Variants in GMDS observed in about 807,000 individuals in gnomAD.
GMDS encodes the protein GDP-mannose 4,6-dehydratase.
GMDS carries 20 observed loss-of-function variants against 49.9 expected under a neutral mutation model. That is an observed-to-expected ratio of 0.40 (90% CI 0.28 to 0.58). The LOEUF (loss-of-function observed/expected upper bound fraction) is 0.58. Ranked by LOEUF, GMDS falls within the 20% of genes least tolerant of loss-of-function variation. The probability of loss-of-function intolerance (pLI) is 0.42; values close to 1 mark genes in which losing one functional copy is unlikely to be tolerated. For missense variants in GMDS, 362 were observed against 481.4 expected, an observed-to-expected ratio of 0.75 and a Z score of 2.32; for synonymous variants, 177 against 178.6, an observed-to-expected ratio of 0.99 and a Z score of 0.07.
intron 7 of GMDS, among the ~76,000 whole-genome samples, chr6:1,743,275 A>C (rs34669469): frequency 0.46 from 69,717 of 151,990 alleles, 16,428 homozygotes; most frequent in East Asian, 0.71. Context: ...GATGTCTAGC[A>C]GGGCGCGGTG....
intron 4 of GMDS, among the ~76,000 whole-genome samples, chr6:1,997,060 C>T (rs1022237630): frequency 1.3e-5 from 2 of 151,896 alleles, no homozygotes; most frequent in Non-Finnish European, 2.9e-5. Flanking sequence ...TGATGATTCT[C>T]AGCCCCCTCC....
At chr6:1,955,165 G>A (rs867554637) in intron 6 of GMDS, among the ~76,000 whole-genome samples, 8 of 152,048 alleles carry the variant, frequency 5.3e-5, no homozygotes, top group South Asian at 2.1e-4. Context: ...CAATATCTAC[G>A]AAGCAATAAA....
In GMDS at chr6:1,742,480, C is replaced by G; in HGVS notation, c.878G>C (p.Gly293Ala). ...CAGGTATACTTACACAATGGTTTTT[C>G]CAATGTGCAAGAATGATTTCTCGAC... ...EFVEKSFLHI[G>A]KTIVWEGKNE... Residue 293 changes from glycine to alanine, a missense_variant, in exon 8 of 11, where the codon GGA becomes GCA. Physicochemically the swap from Gly to Ala is moderately conservative, Grantham distance 60. Coordinates refer to ENST00000380815, the MANE Select transcript of GMDS (RefSeq NM_001500.4). The G allele has an allele frequency of 6.3e-7, 1 of 1,590,484 alleles. No homozygotes were observed. The highest frequency in any genetic ancestry group is 8.6e-7 in the Non-Finnish European group (1 of 1,158,884).
intron 4 of GMDS, among the ~76,000 whole-genome samples, chr6:2,074,025 G>C (rs910222679): frequency 3.9e-5 from 6 of 152,140 alleles, no homozygotes; most frequent in Non-Finnish European, 8.8e-5. Context: ...CCTTTGGATA[G>C]ATGCCCAATA....
At chr6:2,100,186 TAGA>T (rs1157339755) in intron 4 of GMDS, among the ~76,000 whole-genome samples, 15 of 152,098 alleles carry the variant, frequency 9.9e-5, no homozygotes, top group African/African-American at 3.1e-4. Context: ...AGTTAGAATT[TAGA>T]AGGTTTTATA....
At chr6:1,757,797 A>G (rs1179514788) in intron 7 of GMDS, among the ~76,000 whole-genome samples, 2 of 152,234 alleles carry the variant, frequency 1.3e-5, no homozygotes, top group Non-Finnish European at 2.9e-5. Flanking sequence ...ACTGCCCAAT[A>G]GAAATATAAT....
At chr6:2,091,261 C>T (rs753719725) in intron 4 of GMDS, among the ~76,000 whole-genome samples, 1 of 152,208 alleles carries the variant, frequency 6.6e-6, no homozygotes, top group Admixed American at 6.5e-5. Flanking sequence ...CATTTAACAA[C>T]TTCAATGGAT....
At chr6:1,941,479 G>A (rs1434792316) in intron 6 of GMDS, among the ~76,000 whole-genome samples, 1 of 152,158 alleles carries the variant, frequency 6.6e-6, no homozygotes, top group Non-Finnish European at 1.5e-5. Context: ...ATGACTGCAG[G>A]TCAGAAGGAC....
At chr6:1,624,997 T>C (rs995177499) in intron 9 of GMDS, 4 of 153,042 alleles carry the variant, frequency 2.6e-5, no homozygotes, top group African/African-American at 4.8e-5. Context: ...GCCGCAGGGC[T>C]GGCCGCGCCA....
intron 1 of GMDS, among the ~76,000 whole-genome samples, chr6:2,185,039 T>C (rs535443666): frequency 6.6e-6 from 1 of 152,324 alleles, no homozygotes. Context: ...GGGCTCACGT[T>C]CTATGGTGGA....
chr6:1,745,619 T>C (rs984085130), intron 7 of GMDS, among the ~76,000 whole-genome samples: 2 of 152,230 alleles, frequency 1.3e-5, no homozygotes, highest in African/African-American at 4.8e-5. Context: ...AAGAATCTGC[T>C]CTTTTCTTCT....
chr6:2,182,635 G>A (rs1399099724), intron 1 of GMDS, among the ~76,000 whole-genome samples: 1 of 152,270 alleles, frequency 6.6e-6, no homozygotes, highest in East Asian at 1.9e-4. Context: ...AACAAAGCCT[G>A]GATGACAGCA....
intron 4 of GMDS, among the ~76,000 whole-genome samples, chr6:2,113,364 T>C (rs574187488): frequency 2.4e-4 from 37 of 152,148 alleles, no homozygotes; most frequent in Admixed American, 3.9e-4. Context: ...CTCTAGACTC[T>C]TACCTCTAGA....
At chr6:1,911,833 C>T (rs1761074210) in intron 7 of GMDS, among the ~76,000 whole-genome samples, 1 of 152,146 alleles carries the variant, frequency 6.6e-6, no homozygotes, top group Non-Finnish European at 1.5e-5. Flanking sequence ...TTCAACTTTG[C>T]ACACCTTCAA....
At chr6:1,732,281 C>T (rs527454241) in intron 8 of GMDS, among the ~76,000 whole-genome samples, 3 of 152,262 alleles carry the variant, frequency 2.0e-5, no homozygotes, top group Admixed American at 6.5e-5. Context: ...GAGCCCAGAT[C>T]GCACCACTGC....
Position 1,652,901 on chromosome 6 carries a change from C to T in GMDS, c.988-28361G>A, listed in dbSNP as rs1205293349. ...TGCCACACTCATGTGTGCTTGCTGG[C>T]CTTCTTCCTGCCCTCCTGGGTCACG... On this transcript the variant is annotated intron_variant, in intron 9 of 10. Coordinates refer to ENST00000380815, the MANE Select transcript of GMDS (RefSeq NM_001500.4). 4.1e-5 allele frequency among the ~76,000 whole-genome samples: 6 copies of T among 145,216 alleles called. No individual in the cohort carries two copies. In the East Asian group the frequency reaches 8.2e-4, roughly 20 times the overall value.
intron 9 of GMDS, among the ~76,000 whole-genome samples, chr6:1,634,003 T>C (rs1763072094): frequency 6.6e-6 from 1 of 152,236 alleles, no homozygotes. Flanking sequence ...GAACTGACTA[T>C]AAACTGTCAT....
At chr6:2,234,969 T>C (rs143993666) in intron 1 of GMDS, among the ~76,000 whole-genome samples, 3,622 of 151,830 alleles carry the variant, frequency 0.024, 141 homozygotes, top group African/African-American at 0.083. Flanking sequence ...CTACTAAAAA[T>C]AGAAAATTAG....
chr6:1,810,166 C>A (rs141147529), intron 7 of GMDS, among the ~76,000 whole-genome samples: 11 of 152,196 alleles, frequency 7.2e-5, no homozygotes, highest in East Asian at 1.9e-4. Context: ...TGGCTAACTG[C>A]GTATGTCACT....
Sources: allele counts gnomAD v4.1 joint callset (sites outside exome capture counted in the v4.1 genomes callset), GRCh38; gene constraint gnomAD v4.1.1; transcripts MANE v1.5; gene names NCBI Gene and HGNC (gene_info 2026-07-23, HGNC 2026-07-21).